TMC4: variants seen among roughly 807,000 people sequenced by gnomAD.
TMC4 encodes transmembrane channel like 4, also known as voltage-gated chloride channel TMC4.
In TMC4, 70 loss-of-function variants were observed where a neutral mutation model predicts 82.0. The observed-to-expected ratio is 0.85, with a 90% CI of 0.70 to 1.04. TMC4 has a LOEUF of 1.04. Among genes scored for constraint, TMC4 ranks in the 50% least tolerant of loss-of-function variants. The probability of loss-of-function intolerance (pLI) is 0.00; values close to 1 mark genes in which losing one functional copy is unlikely to be tolerated. For missense variants in TMC4, 879 were observed against 899.0 expected, an observed-to-expected ratio of 0.98 and a Z score of 0.28; for synonymous variants, 446 against 406.0, an observed-to-expected ratio of 1.10 and a Z score of -1.18.
Position 54,165,578 on chromosome 19 carries a change from G to C in TMC4, c.798-12C>G, listed in dbSNP as rs1175868768. 2.5e-6 allele frequency: 4 copies of C among 1,591,052 alleles called. No homozygotes were observed. Among genetic ancestry groups the C allele is most frequent in the Non-Finnish European group, 3.4e-6 (4 of 1,163,852 alleles). ...GCCCAGACACCGAGCTGAGAGGGGA[G>C]ACCCGGGAGACGGGAAGTGAAAGGA... On this transcript the variant is annotated splice_polypyrimidine_tract_variant and intron_variant, in intron 5 of 14. Coordinates refer to ENST00000619895, the MANE Select transcript of TMC4 (RefSeq NM_144686.4).
chr19:54,171,919 G>A lies in TMC4; in HGVS notation c.244C>T (p.His82Tyr), dbSNP rs781494912. The A allele has an allele frequency of 6.2e-7, 1 of 1,613,350 alleles. No homozygotes were observed. Among genetic ancestry groups the A allele is most frequent in the Non-Finnish European group, 8.5e-7 (1 of 1,179,580 alleles). ...GGCCAGGGCAGTTCCCGGGAAGGGT[G>A]AGGGTCCTGCAGCTCTGTCTGGGTG... The part of the protein sequence containing the change: ...EVTQTELQDP[H>Y]PSRELPWPMQ... The change falls in exon 2 of 15, where the codon CAC becomes TAC. Residue 82 changes from histidine (H) to tyrosine (Y), a missense_variant. His to Tyr is a moderately conservative substitution (Grantham distance 83). Coordinates refer to ENST00000619895, the MANE Select transcript of TMC4 (RefSeq NM_144686.4).
Position 54,162,294 on chromosome 19 carries a change from C to G in TMC4, c.1503-9G>C, listed in dbSNP as rs766966046. On this transcript the variant is annotated splice_polypyrimidine_tract_variant and intron_variant, in intron 10 of 14. Coordinates refer to ENST00000619895, the MANE Select transcript of TMC4 (RefSeq NM_144686.4). Reference sequence around the variant, plus strand: ...AGAGGCCACAGAGGAGCCTGAAGGACGGGGCGGGGCCGGGCCGGAGTCAGG... The same window carrying G: ...AGAGGCCACAGAGGAGCCTGAAGGAGGGGGCGGGGCCGGGCCGGAGTCAGG... The G allele has an allele frequency of 6.9e-7, 1 of 1,450,404 alleles. No individual in the cohort carries two copies. Among genetic ancestry groups the G allele is most frequent in the African/African-American group, 1.6e-5 (1 of 63,722 alleles). The allele number at this position is 1,450,404 out of a possible 1,614,324, so 89.8% of individuals were successfully genotyped here. A position where few individuals can be genotyped will look rare whatever the true frequency, so the allele number is the denominator to read the frequency against.
chr19:54,170,560 T>C (rs2075857738), intron 2 of TMC4, among the ~76,000 whole-genome samples: 1 of 152,186 alleles, frequency 6.6e-6, no homozygotes, highest in Non-Finnish European at 1.5e-5. Context: ...AAATTCCTTA[T>C]ATAAAACGGT....
chr19:54,160,491 A>C lies in TMC4; in HGVS notation c.2028T>G (p.Ser676=), dbSNP rs1473579284. Residue 676 remains serine, a synonymous_variant, in exon 14 of 15, where the codon TCT becomes TCG. Transcript: ENST00000619895. ...CCGTCTCTCTCTGACGTTTGAGCTC[A>C]GAGATGAGGCGTCCGTAGGAGTTAG... ...ALANSYGRLI[S]ELKRQRETEA... is the part of the protein sequence containing the mutation. 6.2e-7 allele frequency: 1 copy of C among 1,614,158 alleles called. No individual in the cohort carries two copies. The highest frequency in any genetic ancestry group is 1.1e-5 in the South Asian group (1 of 91,088).
intron 9 of TMC4, 88 bp downstream of exon 9, chr19:54,162,945 C>T (rs996495134): frequency 1.2e-5 from 19 of 1,603,198 alleles, no homozygotes; most frequent in Non-Finnish European, 1.5e-5. Context: ...AAGCTCCCCT[C>T]TCCGCCCAAA....
At chr19:54,169,411 C>A in intron 3 of TMC4, 101 bp downstream of exon 3, 1 of 1,459,432 alleles carries the variant, frequency 6.9e-7, no homozygotes, top group Non-Finnish European at 9.1e-7. Context: ...CAGGCCCAAG[C>A]CCCTCCTCCC....
intron 7 of TMC4, 110 bp from the exon 8 acceptor site, chr19:54,163,997 C>T: frequency 8.7e-7 from 1 of 1,153,758 alleles, no homozygotes; most frequent in Non-Finnish European, 1.2e-6. Context: ...TTTTTTGAGA[C>T]AGAGTCTCGC....
Position 54,164,406 on chromosome 19 carries a change from T to C in TMC4, c.1113+28A>G, listed in dbSNP as rs374967537. 171 of 1,586,280 alleles carry C rather than the reference T, an allele frequency of 1.1e-4. 1 individual carries two copies. In the African/African-American group the frequency reaches 1.7e-3, roughly 16 times the overall value. On this transcript the variant is annotated intron_variant, in intron 7 of 14. Coordinates refer to ENST00000619895, the MANE Select transcript of TMC4 (RefSeq NM_144686.4). ...TGGAAATGTAGGTTCCAGGACCCCC[T>C]GGCTTCCTCTTCCAAGACCGTCCGC...
chr19:54,168,669 C>T lies in TMC4; in HGVS notation c.454G>A (p.Ala152Thr), dbSNP rs754668617. The change falls in exon 4 of 15, where the codon GCC becomes ACC. Residue 152 changes from alanine to threonine, a missense_variant. By Grantham distance (58) the Ala-to-Thr change is moderately conservative. Coordinates refer to ENST00000619895, the MANE Select transcript of TMC4 (RefSeq NM_144686.4). ...TLKRIGGQFG[A>T]GTESYFSLLR... ...AGGGAGAAGTAGGACTCCGTGCCGG[C>T]GCCAAACTGGCCTGCAGGGGGCAGC... 14 of 1,540,746 alleles carry T rather than the reference C, an allele frequency of 9.1e-6. No homozygotes were observed. The South Asian group carries it at 1.4e-4, about 15-fold the overall frequency.
In TMC4 at chr19:54,162,740, A is replaced by G. The variant is rs776886781; in HGVS notation, c.1435T>C (p.Tyr479His). ...CWETVLGQEM[Y>H]KLLLFDLLTV... ...AGCAGATCAAAGAGCAGAAGTTTGT[A>G]CATTTCCTGGCCCAGGACAGTCTCC... The change falls in exon 10 of 15, where the codon TAC (tyrosine) becomes CAC (histidine). Residue 479 changes from tyrosine to histidine, a missense_variant. Tyr to His is a moderately conservative substitution (Grantham distance 83). Coordinates refer to ENST00000619895, the MANE Select transcript of TMC4 (RefSeq NM_144686.4). The G allele has an allele frequency of 2.5e-6, 4 of 1,614,098 alleles. No individual in the cohort carries two copies. In the East Asian group the frequency reaches 8.9e-5, roughly 36 times the overall value.
chr19:54,163,308 C>CTTTCTTT, intron 8 of TMC4, 149 bp from the exon 9 acceptor site: 1 of 592,166 alleles, frequency 1.7e-6, no homozygotes, highest in East Asian at 3.6e-5. Context: ...TTCTTTCTTT[C>CTTTCTTT]TTTTTTTTTT....
chr19:54,171,729 AAGAGAGGCAGCTCTGAGCGGGGCAG>A, intron 2 of TMC4, 116 bp downstream of exon 2: 1 of 694,650 alleles, frequency 1.4e-6, no homozygotes, highest in Non-Finnish European at 2.2e-6. Context: ...GAAAGAAACC[AAGAGAGGCAGCTCTGAGCGGGGCAG>A]AGAGAGGCCC....
At chr19:54,161,854 C>T (rs956184817) in intron 11 of TMC4, among the ~76,000 whole-genome samples, 1 of 152,096 alleles carries the variant, frequency 6.6e-6, no homozygotes, top group African/African-American at 2.4e-5. Context: ...CCTGCCTCTC[C>T]TTTTTTCCGA....
At chr19:54,166,451 G>T (rs1302690603) in intron 5 of TMC4, among the ~76,000 whole-genome samples, 1 of 151,966 alleles carries the variant, frequency 6.6e-6, no homozygotes, top group Non-Finnish European at 1.5e-5. Context: ...TGGACAAAGA[G>T]ACCATGTGCA....
chr19:54,172,649 C>G, intron 1 of TMC4: 1 of 280,512 alleles, frequency 3.6e-6, no homozygotes, highest in Non-Finnish European at 6.5e-6. Context: ...GTGCCAGCCT[C>G]TACTTCCCCT....
At position 54,160,118 on chromosome 19, in the gene TMC4, C is replaced by T; in HGVS notation, c.*188G>A. ...GATTTCAAAGCGCGCTCAGCAACCT[C>T]GGCTGTATTTATTGATACAAGGAAG... is the stretch of plus-strand genomic sequence containing the variant. On this transcript the variant is annotated 3_prime_UTR_variant, in exon 15 of 15. Coordinates refer to ENST00000619895, the MANE Select transcript of TMC4 (RefSeq NM_144686.4). The T allele has an allele frequency of 3.3e-6, 2 of 606,402 alleles. No individual in the cohort carries two copies. The highest frequency in any genetic ancestry group is 7.2e-5 in the South Asian group (2 of 27,948). The allele number at this position is 606,402 out of a possible 1,614,324, so 37.6% of individuals were successfully genotyped here.
chr19:54,168,642 G>T lies in TMC4; in HGVS notation c.481C>A (p.Leu161Met). The T allele has an allele frequency of 6.3e-7, 1 of 1,583,974 alleles. No individual in the cohort carries two copies. The highest frequency in any genetic ancestry group is 8.6e-7 in the Non-Finnish European group (1 of 1,165,064). The change falls in exon 4 of 15, where the codon CTG (leucine) becomes ATG (methionine). Residue 161 changes from leucine (L) to methionine (M), a missense_variant. Physicochemically the swap from Leu to Met is conservative, Grantham distance 15. Transcript: ENST00000619895. Reference protein sequence around the residue: ...GAGTESYFSLLRFLLLLNVLA... With the variant: ...GAGTESYFSLMRFLLLLNVLA... ...ACGTTAAGAAGGAGCAGGAAGCGCAGCAGGGAGAAGTAGGACTCCGTGCCG... is the reference window on the plus strand; with the variant it reads ...ACGTTAAGAAGGAGCAGGAAGCGCATCAGGGAGAAGTAGGACTCCGTGCCG...
Position 54,168,641 on chromosome 19 carries a change from A to T in TMC4, c.482T>A (p.Leu161Gln). Residue 161 changes from leucine to glutamine, a missense_variant, in exon 4 of 15, where the codon CTG becomes CAG. Coordinates refer to ENST00000619895, the MANE Select transcript of TMC4 (RefSeq NM_144686.4). ...GAGTESYFSL[L>Q]RFLLLLNVLA... ...CACGTTAAGAAGGAGCAGGAAGCGC[A>T]GCAGGGAGAAGTAGGACTCCGTGCC... The T allele has an allele frequency of 1.9e-6, 3 of 1,584,092 alleles. No individual in the cohort carries two copies. Among genetic ancestry groups the T allele is most frequent in the Admixed American group, 1.8e-5 (1 of 55,580 alleles).
intron 2 of TMC4, among the ~76,000 whole-genome samples, chr19:54,171,353 C>A (rs2075883956): frequency 6.6e-6 from 1 of 152,188 alleles, no homozygotes; most frequent in Non-Finnish European, 1.5e-5. Flanking sequence ...AGGTGATCCA[C>A]TCGCCTGGGC....
Sources: allele counts gnomAD v4.1 joint callset (sites outside exome capture counted in the v4.1 genomes callset), GRCh38; gene constraint gnomAD v4.1.1; transcripts MANE v1.5; gene names NCBI Gene and HGNC (gene_info 2026-07-23, HGNC 2026-07-21).